Variants in CACNA2D3 observed in about 807,000 individuals in gnomAD.
The protein encoded by CACNA2D3 is calcium voltage-gated channel auxiliary subunit alpha2delta 3.
A neutral mutation model predicts 160.6 loss-of-function variants in CACNA2D3; 60 were observed. The observed-to-expected ratio is 0.37, with a 90% confidence interval of 0.30 to 0.46. The LOEUF is 0.46. Among genes scored for constraint, CACNA2D3 ranks in the 20% least tolerant of loss-of-function variants. CACNA2D3 has a pLI of 1.00. For synonymous variants in CACNA2D3, 558 were observed against 492.9 expected (o/e 1.13, Z -1.75); for missense variants, 1,205 against 1,365.0 (o/e 0.88, Z 1.85).
chr3:54,214,968 A>AG (rs2107367996), intron 2 of CACNA2D3, among the ~76,000 whole-genome samples: 1 of 152,284 alleles, frequency 6.6e-6, no homozygotes, highest in South Asian at 2.1e-4. Flanking sequence ...AATAAAGCAC[A>AG]ATACCCCAGA....
chr3:54,779,536 G>C (rs1055572330), intron 13 of CACNA2D3, among the ~76,000 whole-genome samples: 1 of 152,166 alleles, frequency 6.6e-6, no homozygotes, highest in African/African-American at 2.4e-5. Flanking sequence ...TTTCCCCCAA[G>C]TTCTTACCAT....
chr3:54,743,410 G>C (rs1701691029), intron 11 of CACNA2D3, among the ~76,000 whole-genome samples: 1 of 152,182 alleles, frequency 6.6e-6, no homozygotes, highest in Non-Finnish European at 1.5e-5. Flanking sequence ...TGAAAGTCTA[G>C]AAAGCCAGAA....
At chr3:54,184,119 C>T (rs1022577489) in intron 2 of CACNA2D3, among the ~76,000 whole-genome samples, 3 of 152,002 alleles carry the variant, frequency 2.0e-5, no homozygotes, top group Admixed American at 6.5e-5. Context: ...TGTTTTCTAT[C>T]TCTTTGAGTG....
intron 2 of CACNA2D3, among the ~76,000 whole-genome samples, chr3:54,149,469 T>C (rs1576960049): frequency 6.6e-6 from 1 of 151,994 alleles, no homozygotes. Context: ...AAACATTTGG[T>C]TGGGGACTTT....
At chr3:54,241,975 G>T in intron 2 of CACNA2D3, among the ~76,000 whole-genome samples, 1 of 152,178 alleles carries the variant, frequency 6.6e-6, no homozygotes, top group East Asian at 1.9e-4. Flanking sequence ...TTATCCAAAG[G>T]GAATACATTC....
chr3:54,568,347 G>A (rs1273323407), intron 6 of CACNA2D3, among the ~76,000 whole-genome samples: 1 of 152,190 alleles, frequency 6.6e-6, no homozygotes, highest in Non-Finnish European at 1.5e-5. Context: ...ACATTCTGGG[G>A]ACAGGGGTGG....
In CACNA2D3 at chr3:55,073,858, A is replaced by C. The variant is rs1704878195; in HGVS notation, c.3182A>C (p.Glu1061Ala). The C allele has an allele frequency of 6.2e-7, 1 of 1,612,594 alleles. No individual in the cohort carries two copies. The highest frequency in any genetic ancestry group is 8.5e-7 in the Non-Finnish European group (1 of 1,178,904). Reference sequence around the variant, plus strand: ...GAATCTTGTCATGGCTTCCATCCTGAGGTAAGTCTGAGAACTGTTCCTGTT... The same window carrying C: ...GAATCTTGTCATGGCTTCCATCCTGCGGTAAGTCTGAGAACTGTTCCTGTT... ...RPESCHGFHP[E>A]ENARECGGAP... Residue 1061 changes from glutamate to alanine, a missense_variant and splice_region_variant, in exon 37 of 38, where the codon GAG (glutamate) becomes GCG (alanine). Glu to Ala is a moderately radical substitution (Grantham distance 107). Around this residue, in one of 3 missense-constraint regions of CACNA2D3, gnomAD observed 911 missense variants for 1,002.2 expected, o/e 0.91. Coordinates refer to ENST00000474759, the MANE Select transcript of CACNA2D3 (RefSeq NM_018398.3).
intron 13 of CACNA2D3, among the ~76,000 whole-genome samples, chr3:54,816,444 C>G (rs529313985): frequency 5.9e-5 from 9 of 152,252 alleles, no homozygotes; most frequent in Admixed American, 5.2e-4. Context: ...CCTTTCACCC[C>G]CTAGTTTTGA....
At chr3:54,367,730 G>A (rs777096813) in intron 3 of CACNA2D3, 2 of 166,604 alleles carry the variant, frequency 1.2e-5, no homozygotes, top group African/African-American at 4.8e-5. Context: ...TTAAACTGGG[G>A]CAGGACCTTG....
intron 2 of CACNA2D3, among the ~76,000 whole-genome samples, chr3:54,271,287 G>C (rs4928029): frequency 0.68 from 102,686 of 151,820 alleles, 35,400 homozygotes; most frequent in East Asian, 0.93. Flanking sequence ...TCTGCCTTCC[G>C]CTCACAGACC....
chr3:55,056,015 A>C (rs915038288), intron 35 of CACNA2D3, among the ~76,000 whole-genome samples: 4 of 152,204 alleles, frequency 2.6e-5, no homozygotes, highest in African/African-American at 9.6e-5. Flanking sequence ...TAGACAATCT[A>C]CAGATTGAGA....
chr3:54,441,951 TTGCTCAAATA>T lies in CACNA2D3; in HGVS notation c.381+55182_381+55191del, dbSNP rs1700151533. On this transcript the variant is annotated intron_variant, in intron 4 of 37. Coordinates refer to ENST00000474759, the MANE Select transcript of CACNA2D3 (RefSeq NM_018398.3). ...AGAAAACCACAAAGACCTGTTCCCT[TTGCTCAAATA>T]TGCTTAAATAATTTAAAACTTTTTT... Among the ~76,000 whole-genome samples, 3 of 152,198 alleles carry T rather than the reference TTGCTCAAATA, an allele frequency of 2.0e-5. No individual in the cohort carries two copies. In the South Asian group the frequency reaches 6.2e-4, roughly 31 times the overall value.
chr3:54,271,286 C>A (rs1441539228), intron 2 of CACNA2D3, among the ~76,000 whole-genome samples: 10 of 151,904 alleles, frequency 6.6e-5, no homozygotes, highest in Admixed American at 6.6e-4. Flanking sequence ...CTCTGCCTTC[C>A]GCTCACAGAC....
intron 2 of CACNA2D3, among the ~76,000 whole-genome samples, chr3:54,213,464 G>A (rs1701411977): frequency 6.6e-6 from 1 of 152,180 alleles, no homozygotes. Flanking sequence ...TTCTTCCTTA[G>A]TTGCGGCTCA....
intron 35 of CACNA2D3, among the ~76,000 whole-genome samples, chr3:55,057,724 G>C (rs1036594183): frequency 6.6e-6 from 1 of 152,170 alleles, no homozygotes; most frequent in Non-Finnish European, 1.5e-5. Context: ...TTCTGAACCA[G>C]TTGGCTTTCT....
chr3:54,718,023 C>A (rs894187788), intron 11 of CACNA2D3, among the ~76,000 whole-genome samples: 1 of 152,074 alleles, frequency 6.6e-6, no homozygotes, highest in East Asian at 1.9e-4. Context: ...TGTATATTGG[C>A]TATGCCTATG....
chr3:54,581,511 G>A (rs1023540214), intron 8 of CACNA2D3, among the ~76,000 whole-genome samples: 4 of 152,240 alleles, frequency 2.6e-5, no homozygotes, highest in Non-Finnish European at 2.9e-5. Flanking sequence ...AACTGCCAGC[G>A]TTTGGAGGCA....
At chr3:54,570,597 AGGT>A (rs746086702) in intron 8 of CACNA2D3, among the ~76,000 whole-genome samples, 23 of 152,176 alleles carry the variant, frequency 1.5e-4, no homozygotes, top group Non-Finnish European at 2.2e-4. Context: ...TCTGGAAAAA[AGGT>A]GGCATTTATT....
At chr3:54,590,048 C>T (rs1365327738) in intron 9 of CACNA2D3, among the ~76,000 whole-genome samples, 1 of 152,138 alleles carries the variant, frequency 6.6e-6, no homozygotes, top group Non-Finnish European at 1.5e-5. Flanking sequence ...CAATTGCATC[C>T]TTGGCATTAA....
Sources: gnomAD v4.1 joint callset for allele counts (sites outside exome capture counted in the v4.1 genomes callset) on GRCh38, gnomAD v4.1.1 for gene constraint, gnomAD v4.1.1 regional missense constraint, MANE v1.5 for transcripts, NCBI Gene and HGNC (gene_info 2026-07-23, HGNC 2026-07-21) for gene names.